The following SPTA1 variants were observed in gnomAD, a reference collection of about 807,000 sequenced individuals.
SPTA1 encodes spectrin alpha chain, erythrocytic 1.
In SPTA1, 177 loss-of-function variants were observed where a neutral mutation model predicts 324.7. The observed-to-expected ratio is 0.55, with a 90% CI of 0.48 to 0.62. SPTA1 has a LOEUF of 0.62. Ranked by LOEUF, SPTA1 falls within the 20% of genes least tolerant of loss-of-function variation. The probability of loss-of-function intolerance (pLI) is 0.00; values close to 1 mark genes in which losing one functional copy is unlikely to be tolerated. For missense variants in SPTA1, 3,162 were observed against 2,883.6 expected, an observed-to-expected ratio of 1.10 and a Z score of -2.21; for synonymous variants, 1,195 against 1,041.3, an observed-to-expected ratio of 1.15 and a Z score of -2.84.
chr1:158,637,982 A>G, intron 36 of SPTA1, 51 bp downstream of exon 36: 8 of 1,588,030 alleles, frequency 5.0e-6, no homozygotes, highest in Non-Finnish European at 6.9e-6. Context: ...AGTTTGGTGG[A>G]TTATCTACTC....
rs374770895 is a variant in SPTA1, at chr1:158,651,372, G to A, written c.3472C>T (p.Arg1158Trp). ...GLLTPEGAQI[R>W]QELNSRWGSL... ...ATGGAGGGAGCCTTAGTTACCTGCCGGATTTGAGCTCCTTCTGGTGTTAGA... is the reference window on the plus strand; with the variant it reads ...ATGGAGGGAGCCTTAGTTACCTGCCAGATTTGAGCTCCTTCTGGTGTTAGA... The change falls in exon 24 of 52, where the codon CGG becomes TGG. Residue 1158 changes from arginine to tryptophan, a missense_variant. Physicochemically the swap from Arg to Trp is moderately radical, Grantham distance 101. Transcript: ENST00000643759. The A allele has an allele frequency of 2.0e-4, 316 of 1,612,030 alleles. 4 individuals are homozygous for A. The South Asian group carries it at 3.1e-3, about 16-fold the overall frequency.
chr1:158,671,390 G>T lies in SPTA1; in HGVS notation c.1552C>A (p.His518Asn), dbSNP rs367992735. 8 of 1,613,494 alleles carry T rather than the reference G, an allele frequency of 5.0e-6. No homozygotes were observed. Among genetic ancestry groups the T allele is most frequent in the Non-Finnish European group, 5.1e-6 (6 of 1,179,908 alleles). Residue 518 changes from histidine (H) to asparagine (N), a missense_variant, in exon 12 of 52, where the codon CAT becomes AAT. Physicochemically the swap from His to Asn is moderately conservative, Grantham distance 68. Coordinates refer to ENST00000643759, the MANE Select transcript of SPTA1 (RefSeq NM_003126.4). ...GTAAAGGCTTCCTCAAAGTCTTCAT[G>T]CTTCTGAAGAAGGGCTTCTGCACTG... ...LGSAEALLQKHEDFEEAFTAQ... is the reference protein window; with the variant it reads ...LGSAEALLQKNEDFEEAFTAQ...
At position 158,635,966 on chromosome 1, in the gene SPTA1, C is replaced by G; in HGVS notation, c.5379G>C (p.Arg1793=). ...CCCAGTGTTCAACAAACTGAGCCAG[C>G]CGCAACTGGATCTCCTCTTGCCCCA... is the stretch of plus-strand genomic sequence containing the variant. The part of the protein sequence containing the change: ...AAVGQEEIQL[R]LAQFVEHWEK... The change falls in exon 38 of 52, where the codon CGG becomes CGC. Residue 1793 remains arginine (R), a synonymous_variant. Transcript: ENST00000643759. 3.1e-6 allele frequency: 5 copies of G among 1,614,162 alleles called. No homozygotes were observed. The highest frequency in any genetic ancestry group is 4.2e-6 in the Non-Finnish European group (5 of 1,180,016).
At position 158,642,969 on chromosome 1, in the gene SPTA1, C is replaced by T; in HGVS notation, c.4450G>A (p.Ala1484Thr). 1 of 1,613,572 alleles carries T rather than the reference C, an allele frequency of 6.2e-7. No homozygotes were observed. The highest frequency in any genetic ancestry group is 8.5e-7 in the Non-Finnish European group (1 of 1,179,714). ...TCATCAATCAGTTGTGCTTTGAGAG[C>T]CTTCCACCTAGAGGACGGAGCCAAA... Reference protein sequence around the residue: ...RLQRVLDRWKALKAQLIDERT... With the variant: ...RLQRVLDRWKTLKAQLIDERT... Residue 1484 changes from alanine to threonine, a missense_variant, in exon 32 of 52, where the codon GCT becomes ACT. Transcript: ENST00000643759.
intron 39 of SPTA1, among the ~76,000 whole-genome samples, chr1:158,633,489 T>G (rs1650827877): frequency 6.6e-6 from 1 of 151,814 alleles, no homozygotes. Context: ...TGAAACCCCT[T>G]GTCTACTAAA....
chr1:158,675,364 T>G (rs1654322433), intron 8 of SPTA1, among the ~76,000 whole-genome samples: 1 of 152,182 alleles, frequency 6.6e-6, no homozygotes, highest in Non-Finnish European at 1.5e-5. Flanking sequence ...GTCAGAATTT[T>G]GAAATGTTTC....
At chr1:158,615,487 T>C (rs1649502085) in intron 47 of SPTA1, 84 bp from the exon 48 acceptor site, 1 of 1,371,638 alleles carries the variant, frequency 7.3e-7, no homozygotes, top group Non-Finnish European at 1.0e-6. Context: ...GATAACAGGC[T>C]GATTTTATTT....
chr1:158,671,286 T>C (rs1455554074), intron 12 of SPTA1, 57 bp downstream of exon 12: 2 of 1,253,228 alleles, frequency 1.6e-6, no homozygotes, highest in East Asian at 2.3e-5. Context: ...ACAGGTATTG[T>C]GTAAAATTAT....
chr1:158,678,848 C>T (rs976224632), intron 5 of SPTA1, among the ~76,000 whole-genome samples: 1 of 152,082 alleles, frequency 6.6e-6, no homozygotes, highest in African/African-American at 2.4e-5. Flanking sequence ...TCCTTGAAAT[C>T]CTGGAAACCA....
chr1:158,615,140 C>T, intron 48 of SPTA1, 76 bp downstream of exon 48: 1 of 1,558,932 alleles, frequency 6.4e-7, no homozygotes, highest in Non-Finnish European at 8.8e-7. Context: ...GTGCACCAAA[C>T]TCTCGCCCTT....
intron 11 of SPTA1, 65 bp from the exon 12 acceptor site, chr1:158,671,518 ATC>A: frequency 7.6e-7 from 1 of 1,310,832 alleles, no homozygotes; most frequent in Non-Finnish European, 1.1e-6. Flanking sequence ...CTCTTGGCAT[ATC>A]TCTGAGACAA....
Position 158,611,130 on chromosome 1 carries a change from AGCAC to A in SPTA1, c.*130_*133del, listed in dbSNP as rs1649227637. 3.4e-6 allele frequency: 3 copies of A among 879,066 alleles called. No homozygotes were observed. Among genetic ancestry groups the A allele is most frequent in the African/African-American group, 2.7e-5 (1 of 37,194 alleles). 54.5% of individuals were successfully genotyped at this position (879,066 alleles called of 1,614,324 possible). The stretch of plus-strand genomic sequence containing the variant: ...TAAATGTAATATGCACACAAACACA[AGCAC>A]ACACACACACACACACACACACACA... On this transcript the variant is annotated 3_prime_UTR_variant, in exon 52 of 52. Coordinates refer to ENST00000643759, the MANE Select transcript of SPTA1 (RefSeq NM_003126.4).
At chr1:158,684,551 T>C (rs1655036646) in intron 2 of SPTA1, among the ~76,000 whole-genome samples, 1 of 152,144 alleles carries the variant, frequency 6.6e-6, no homozygotes, top group Non-Finnish European at 1.5e-5. Flanking sequence ...CCCCGATGTT[T>C]ATGAAGATGA....
At position 158,620,329 on chromosome 1, in the gene SPTA1, C is replaced by T. The variant is rs368317545; in HGVS notation, c.6258G>A (p.Glu2086=). Residue 2086 remains glutamate (E), a synonymous_variant, in exon 44 of 52, where the codon GAG becomes GAA. Transcript: ENST00000643759. ...NEIRQLQKDH[E]DFLASLARAQ... ...CCCTAGCCAGGGAGGCCAAGAAGTC[C>T]TCATGGTCTTTCTGCAGCTGCCGAA... 148 of 1,613,980 alleles carry T rather than the reference C, an allele frequency of 9.2e-5. 1 individual carries two copies. The highest frequency in any genetic ancestry group is 9.2e-5 in the Non-Finnish European group (108 of 1,180,036).
intron 3 of SPTA1, 115 bp downstream of exon 3, chr1:158,683,255 GA>G: frequency 6.9e-7 from 1 of 1,446,652 alleles, no homozygotes; most frequent in Non-Finnish European, 9.6e-7. Context: ...GGGAAGATAA[GA>G]GGCAGGAGTC....
At chr1:158,620,496 CT>C in intron 43 of SPTA1, 30 bp from the exon 44 acceptor site, 1 of 1,611,874 alleles carries the variant, frequency 6.2e-7, no homozygotes, top group Non-Finnish European at 8.5e-7. Context: ...ACACTACCAT[CT>C]TTCCTGATAA....
At chr1:158,654,496 G>T (rs1372010525) in intron 21 of SPTA1, 115 bp downstream of exon 21, 8 of 1,421,638 alleles carry the variant, frequency 5.6e-6, no homozygotes, top group Non-Finnish European at 7.6e-6. Context: ...AGTTATTCAA[G>T]AAATAAAATA....
intron 33 of SPTA1, among the ~76,000 whole-genome samples, chr1:158,640,295 G>A (rs1474525410): frequency 7.0e-6 from 1 of 142,270 alleles, no homozygotes; most frequent in Non-Finnish European, 1.6e-5. Context: ...AGCATGATAA[G>A]AGTTTGGAAT....
At chr1:158,652,925 G>A (rs1438077514) in intron 22 of SPTA1, among the ~76,000 whole-genome samples, 2 of 152,134 alleles carry the variant, frequency 1.3e-5, no homozygotes, top group African/African-American at 4.8e-5. Flanking sequence ...TCATAAAAGT[G>A]ACATTTTTAC....
Sources: allele counts gnomAD v4.1 joint callset (sites outside exome capture counted in the v4.1 genomes callset), GRCh38; gene constraint gnomAD v4.1.1; transcripts MANE v1.5; gene names NCBI Gene and HGNC (gene_info 2026-07-23, HGNC 2026-07-21).